PLEKHA4: variants seen among roughly 807,000 people sequenced by gnomAD.
PLEKHA4 encodes pleckstrin homology domain containing A4, also known as pleckstrin homology domain-containing family A member 4.
Under a neutral mutation model 94.7 loss-of-function variants are expected in PLEKHA4, and 73 were observed. The observed-to-expected ratio is 0.77, with a 90% confidence interval of 0.64 to 0.94. PLEKHA4 has a LOEUF of 0.94. Among genes scored for constraint, PLEKHA4 ranks in the 40% least tolerant of loss-of-function variants. The probability of loss-of-function intolerance (pLI) is 0.00; values close to 1 mark genes in which losing one functional copy is unlikely to be tolerated. For synonymous variants in PLEKHA4, 449 were observed against 437.1 expected (o/e 1.03, Z -0.34); for missense variants, 1,049 against 1,054.1 (o/e 1.00, Z 0.07).
chr19:48,856,999 G>A (rs1175788011), intron 9 of PLEKHA4, among the ~76,000 whole-genome samples: 1 of 151,264 alleles, frequency 6.6e-6, no homozygotes, highest in Non-Finnish European at 1.5e-5. Context: ...AAGTTACGAC[G>A]ATGTCATGGG....
At chr19:48,859,307 G>C (rs2123116856) in intron 7 of PLEKHA4, 162 bp downstream of exon 7, 1 of 909,050 alleles carries the variant, frequency 1.1e-6, no homozygotes, top group Non-Finnish European at 1.7e-6. Context: ...TCCGCTTTGT[G>C]GCATCTTCCC....
chr19:48,859,537 C>T lies in PLEKHA4; in HGVS notation c.624G>A (p.Arg208=), dbSNP rs772351162. The change falls in exon 7 of 20, where the codon AGG becomes AGA. Residue 208 remains arginine (R), a synonymous_variant. Transcript: ENST00000263265. The part of the protein sequence containing the change: ...TRLSRGRGRP[R]LLTPSPTTDL... ...CGGTTGTGGGGCTGGGAGTGAGCAG[C>T]CTGGGTCTACCACGACCTCTGGAGA... 5.0e-6 allele frequency: 8 copies of T among 1,614,038 alleles called. No individual in the cohort carries two copies. In the South Asian group the frequency reaches 8.8e-5, roughly 18 times the overall value.
chr19:48,854,184 A>G lies in PLEKHA4; in HGVS notation c.1095+33T>C, dbSNP rs200117982. The G allele has an allele frequency of 2.0e-3, 3,159 of 1,613,514 alleles. 52 individuals carry two copies. In the African/African-American group the frequency reaches 0.038, roughly 19 times the overall value. ...AGAACATTCTCTCCCCAACTCTGGG[A>G]ACTCAGCAAGGATTAGATCAGTGAC... is the stretch of plus-strand genomic sequence containing the variant. On this transcript the variant is annotated intron_variant, in intron 10 of 19. Coordinates refer to ENST00000263265, the MANE Select transcript of PLEKHA4 (RefSeq NM_020904.3).
intron 13 of PLEKHA4, among the ~76,000 whole-genome samples, chr19:48,850,319 C>A (rs1382808229): frequency 1.3e-5 from 2 of 151,620 alleles, no homozygotes; most frequent in Non-Finnish European, 2.9e-5. Flanking sequence ...TCCTGGCCAA[C>A]ATGGTGAAAC....
chr19:48,858,839 CCTT>C lies in PLEKHA4; in HGVS notation c.972+18_972+20del. The C allele has an allele frequency of 6.2e-7, 1 of 1,613,292 alleles. No homozygotes were observed. The highest frequency in any genetic ancestry group is 8.5e-7 in the Non-Finnish European group (1 of 1,179,758). On this transcript the variant is annotated intron_variant, in intron 8 of 19. Coordinates refer to ENST00000263265, the MANE Select transcript of PLEKHA4 (RefSeq NM_020904.3). ...GGCCTGATGGGAAACGTAGTCCCCT[CCTT>C]CTCACCTCTCTGCTCACCTGTGTTC...
chr19:48,849,453 C>T lies in PLEKHA4; in HGVS notation c.1426-1413G>A, dbSNP rs536019394. Among the ~76,000 whole-genome samples the T allele has an allele frequency of 2.2e-4, 34 of 152,164 alleles. No individual in the cohort carries two copies. In the South Asian group the frequency reaches 4.6e-3, roughly 20 times the overall value. ...CCTCCTGAGTAGCTGGGACTACAGGCGTGCACCAGCACACCCAGCAAATTT... is the reference window on the plus strand; with the variant it reads ...CCTCCTGAGTAGCTGGGACTACAGGTGTGCACCAGCACACCCAGCAAATTT... On this transcript the variant is annotated intron_variant, in intron 13 of 19. Transcript: ENST00000263265.
Position 48,861,391 on chromosome 19 carries a change from A to G in PLEKHA4, c.366+10T>C. 6.2e-7 allele frequency: 1 copy of G among 1,609,558 alleles called. No individual in the cohort carries two copies. Among genetic ancestry groups the G allele is most frequent in the East Asian group, 2.2e-5 (1 of 44,862 alleles). ...ATCGCCTGGTGCACAACATGGATGG[A>G]TGGACTCACGGTGAAGGTGAAGCGC... On this transcript the variant is annotated intron_variant, in intron 5 of 19. Transcript: ENST00000263265.
chr19:48,840,879 C>T (rs2035735464), intron 17 of PLEKHA4, among the ~76,000 whole-genome samples: 1 of 152,112 alleles, frequency 6.6e-6, no homozygotes, highest in Non-Finnish European at 1.5e-5. Flanking sequence ...ATTGACAACA[C>T]ATAGCAACTG....
chr19:48,846,488 G>A (rs1042379492), intron 14 of PLEKHA4, among the ~76,000 whole-genome samples: 11 of 151,668 alleles, frequency 7.3e-5, no homozygotes, highest in Non-Finnish European at 8.8e-5. Context: ...GTTTTAGGCT[G>A]GGCACAGTGG....
At chr19:48,849,982 G>T (rs941290887) in intron 13 of PLEKHA4, among the ~76,000 whole-genome samples, 21 of 152,148 alleles carry the variant, frequency 1.4e-4, no homozygotes, top group African/African-American at 4.8e-4. Flanking sequence ...GGAGGCCGAG[G>T]CAGGCGGATC....
At chr19:48,859,209 G>C (rs1005985568) in intron 7 of PLEKHA4, 70 bp from the exon 8 acceptor site, 34 of 1,232,574 alleles carry the variant, frequency 2.8e-5, no homozygotes, top group Non-Finnish European at 3.4e-5. Context: ...TACCCATCAA[G>C]TCAGCCTCAA....
At chr19:48,862,307 T>C (rs1275374993) in intron 3 of PLEKHA4, among the ~76,000 whole-genome samples, 5 of 149,690 alleles carry the variant, frequency 3.3e-5, no homozygotes, top group African/African-American at 1.2e-4. Flanking sequence ...TTCAAATGAT[T>C]CTCCTGCCTC....
At chr19:48,851,524 G>A (rs962035480) in intron 13 of PLEKHA4, among the ~76,000 whole-genome samples, 26 of 152,080 alleles carry the variant, frequency 1.7e-4, no homozygotes, top group African/African-American at 5.1e-4. Flanking sequence ...GCTGAGGTGG[G>A]TGAATCGCTT....
At chr19:48,838,439 G>T in intron 18 of PLEKHA4, 1 of 145,714 alleles carries the variant, frequency 6.9e-6, no homozygotes, top group Non-Finnish European at 1.4e-5. Context: ...TACCTAGTAT[G>T]TACCAACAAA....
At position 48,853,799 on chromosome 19, in the gene PLEKHA4, C is replaced by T; in HGVS notation, c.1209G>A (p.Arg403=). The T allele has an allele frequency of 6.2e-7, 1 of 1,612,818 alleles. No homozygotes were observed. The highest frequency in any genetic ancestry group is 8.5e-7 in the Non-Finnish European group (1 of 1,179,436). The change falls in exon 12 of 20, where the codon CGG becomes CGA. Residue 403 remains arginine (R), a synonymous_variant. Transcript: ENST00000263265. ...EQLEAALELT[R]QQLGQATREA... is the part of the protein sequence containing the mutation. ...CCCTGGTGGCTTGGCCCAGCTGTTG[C>T]CGGGTCAACTCCAGAGCTGCTTCTA...
rs16982342 is a variant in PLEKHA4, at chr19:48,861,386, G to C, written c.366+15C>G. On this transcript the variant is annotated intron_variant, in intron 5 of 19. Transcript: ENST00000263265. ...TTCCCATCGCCTGGTGCACAACATG[G>C]ATGGATGGACTCACGGTGAAGGTGA... 4,064 of 1,603,832 alleles carry C rather than the reference G, an allele frequency of 2.5e-3. 72 individuals are homozygous for C. In the African/African-American group the frequency reaches 0.047, roughly 18 times the overall value.
chr19:48,857,523 T>C, intron 8 of PLEKHA4, 27 bp from the exon 9 acceptor site: 6 of 1,309,470 alleles, frequency 4.6e-6, no homozygotes, highest in Non-Finnish European at 5.4e-6. Context: ...AATGGAGATG[T>C]TTAGAAACTG....
At position 48,866,392 on chromosome 19, in the gene PLEKHA4, TGCCTCTCGG is replaced by T. The variant is rs771482111; in HGVS notation, c.85-791_85-783del. Among the ~76,000 whole-genome samples the T allele has an allele frequency of 7.2e-5, 11 of 152,180 alleles. 1 individual carries two copies. In the East Asian group the frequency reaches 1.6e-3, roughly 21 times the overall value. ...CACCATCTTGGCTCACTGCAACCCC[TGCCTCTCGG>T]GTTCAAGTGATTCTCCTGCCTCAGC... On this transcript the variant is annotated intron_variant, in intron 2 of 19. Coordinates refer to ENST00000263265, the MANE Select transcript of PLEKHA4 (RefSeq NM_020904.3).
At chr19:48,842,685 C>G (rs956895458) in intron 16 of PLEKHA4, among the ~76,000 whole-genome samples, 10 of 152,172 alleles carry the variant, frequency 6.6e-5, no homozygotes, top group Non-Finnish European at 1.5e-5. Flanking sequence ...AGAGAAACCT[C>G]CACATGCTGG....
Sources: allele counts gnomAD v4.1 joint callset (sites outside exome capture counted in the v4.1 genomes callset), GRCh38; gene constraint gnomAD v4.1.1; transcripts MANE v1.5; gene names NCBI Gene and HGNC (gene_info 2026-07-23, HGNC 2026-07-21).